The following SVEP1 variants were observed in gnomAD, a reference collection of about 807,000 sequenced individuals.
The protein encoded by SVEP1 is sushi, von Willebrand factor type A, EGF and pentraxin domain-containing protein 1.
A neutral mutation model predicts 367.3 loss-of-function variants in SVEP1; 164 were observed. That is an observed-to-expected ratio of 0.45 (90% confidence interval 0.39 to 0.51). The LOEUF is 0.51. Ranked by LOEUF, SVEP1 falls within the 20% of genes least tolerant of loss-of-function variation. SVEP1 has a pLI of 0.00. For missense variants in SVEP1, 4,117 were observed against 4,425.3 expected (o/e 0.93, Z 1.98); for synonymous variants, 1,666 against 1,611.6 (o/e 1.03, Z -0.81).
intron 35 of SVEP1, among the ~76,000 whole-genome samples, chr9:110,428,881 G>A (rs1235714796): frequency 6.6e-6 from 1 of 152,106 alleles, no homozygotes; most frequent in Non-Finnish European, 1.5e-5. Context: ...GACTAGTCTG[G>A]ACAAAATGGC....
intron 6 of SVEP1, among the ~76,000 whole-genome samples, chr9:110,500,852 T>C (rs1411437462): frequency 5.3e-5 from 8 of 152,004 alleles, no homozygotes; most frequent in Non-Finnish European, 1.2e-4. Flanking sequence ...ACTATTCCTA[T>C]TGCTCTTCCT....
intron 17 of SVEP1, among the ~76,000 whole-genome samples, chr9:110,467,789 C>A (rs888741174): frequency 6.6e-6 from 1 of 152,020 alleles, no homozygotes; most frequent in Non-Finnish European, 1.5e-5. Flanking sequence ...GTGTGCACCA[C>A]CATGCCTGGC....
In SVEP1 at chr9:110,411,606, G is replaced by C; in HGVS notation, c.6105C>G (p.Ala2035=). The change falls in exon 37 of 48, where the codon GCC becomes GCG. Residue 2035 remains alanine, a synonymous_variant. Transcript: ENST00000374469. ...ATGCAATGTCTCCAAAGAGCCGATG[G>C]GCAGTCTCTGGAGAGGCGTGGTCCA... ...PIVDHASPET[A]HRLFGDIAFY... The C allele has an allele frequency of 6.2e-7, 1 of 1,613,736 alleles. No homozygotes were observed. Among genetic ancestry groups the C allele is most frequent in the Non-Finnish European group, 8.5e-7 (1 of 1,179,798 alleles).
chr9:110,432,557 G>C lies in SVEP1; in HGVS notation c.5138C>G (p.Thr1713Ser). The change falls in exon 31 of 48, where the codon ACC (threonine) becomes AGC (serine). Residue 1713 changes from threonine (T) to serine (S), a missense_variant. By Grantham distance (58) the Thr-to-Ser change is moderately conservative. This residue lies in a region of SVEP1 where 2,174 missense variants were observed against 2,494.3 expected (regional missense o/e 0.87). Coordinates refer to ENST00000374469, the MANE Select transcript of SVEP1 (RefSeq NM_153366.4). ...ADDFYAGSTV[T>S]YQCNNGYYLL... ...ATAGTAGCCATTGTTGCACTGGTAG[G>C]TTACTGTGCTGCCAGCATAGAAGTC... 6.2e-7 allele frequency: 1 copy of C among 1,613,902 alleles called. No individual in the cohort carries two copies. The highest frequency in any genetic ancestry group is 1.1e-5 in the South Asian group (1 of 91,086).
chr9:110,374,068 G>T (rs890051744), intron 46 of SVEP1, among the ~76,000 whole-genome samples: 3 of 152,022 alleles, frequency 2.0e-5, no homozygotes, highest in Non-Finnish European at 2.9e-5. Flanking sequence ...TTGTGTCATG[G>T]GAGTTTGTTG....
At chr9:110,549,188 C>T (rs929421534) in intron 2 of SVEP1, among the ~76,000 whole-genome samples, 3 of 151,992 alleles carry the variant, frequency 2.0e-5, no homozygotes, top group Non-Finnish European at 2.9e-5. Flanking sequence ...AAGACATAAA[C>T]CTATATTCTG....
intron 5 of SVEP1, among the ~76,000 whole-genome samples, chr9:110,505,804 T>C (rs1288833147): frequency 6.6e-6 from 1 of 150,588 alleles, no homozygotes; most frequent in Non-Finnish European, 1.5e-5. Flanking sequence ...CCTGATCTCT[T>C]ATTTTCTTTT....
chr9:110,492,745 T>C (rs2118732049), intron 8 of SVEP1, among the ~76,000 whole-genome samples: 1 of 152,082 alleles, frequency 6.6e-6, no homozygotes. Context: ...AGACAACCAC[T>C]CATAGAACAT....
chr9:110,484,186 T>C (rs1401032855), intron 9 of SVEP1, among the ~76,000 whole-genome samples: 1 of 152,094 alleles, frequency 6.6e-6, no homozygotes, highest in African/African-American at 2.4e-5. Context: ...ATAAGCAAGA[T>C]GTTAGTGTGA....
At position 110,398,468 on chromosome 9, in the gene SVEP1, C is replaced by T. The variant is rs540104016; in HGVS notation, c.9822+2386G>A. Among the ~76,000 whole-genome samples the T allele has an allele frequency of 7.2e-5, 11 of 152,204 alleles. No homozygotes were observed. In the South Asian group the frequency reaches 1.2e-3, roughly 17 times the overall value. On this transcript the variant is annotated intron_variant, in intron 40 of 47. Transcript: ENST00000374469. ...CATGCTAAAACACCAAAAGCAATGG[C>T]AACAAAAGCCAAAATTGACAAATGG...
At chr9:110,381,306 A>G (rs1018429228) in intron 43 of SVEP1, among the ~76,000 whole-genome samples, 1 of 152,096 alleles carries the variant, frequency 6.6e-6, no homozygotes, top group Non-Finnish European at 1.5e-5. Context: ...TAGGGTGTCA[A>G]TCTGAGATCT....
At chr9:110,466,682 A>C (rs1828942395) in intron 17 of SVEP1, among the ~76,000 whole-genome samples, 2 of 129,750 alleles carry the variant, frequency 1.5e-5, no homozygotes, top group Non-Finnish European at 1.6e-5. Context: ...AATGGCGTGA[A>C]CCCGGGAGGC....
At chr9:110,485,977 A>C (rs1829270937) in intron 9 of SVEP1, among the ~76,000 whole-genome samples, 1 of 152,166 alleles carries the variant, frequency 6.6e-6, no homozygotes, top group Non-Finnish European at 1.5e-5. Flanking sequence ...TTATTATTTC[A>C]CTGTAGACCA....
rs1827540069 is a variant in SVEP1 at position 110,387,298 on chromosome 9, G to A, written c.10047C>T (p.Val3349=). The change falls in exon 42 of 48, where the codon GTC becomes GTT. Residue 3349 remains valine (V), a synonymous_variant. Coordinates refer to ENST00000374469, the MANE Select transcript of SVEP1 (RefSeq NM_153366.4). ...GGCAACACACACGTTTGCAGAGAGGGACTGGGTGGCTCCAGGTTCCATTTT... is the reference window on the plus strand; with the variant it reads ...GGCAACACACACGTTTGCAGAGAGGAACTGGGTGGCTCCAGGTTCCATTTT... ...CTENGTWSHP[V]PLCKPNPCPV... 1.3e-6 allele frequency: 2 copies of A among 1,598,322 alleles called. No homozygotes were observed. Among genetic ancestry groups the A allele is most frequent in the Non-Finnish European group, 1.7e-6 (2 of 1,176,024 alleles).
chr9:110,392,974 T>G lies in SVEP1; in HGVS notation c.9823-3387A>C, dbSNP rs553510006. ...CTTGTCCGAGACCTGGAGTTGGTAA[T>G]TTCTCCAAGTAACTGAACATCAATA... On this transcript the variant is annotated intron_variant, in intron 40 of 47. Coordinates refer to ENST00000374469, the MANE Select transcript of SVEP1 (RefSeq NM_153366.4). Among the ~76,000 whole-genome samples, 24 of 152,324 alleles carry G rather than the reference T, an allele frequency of 1.6e-4. No individual in the cohort carries two copies. The South Asian group carries it at 4.8e-3, about 30-fold the overall frequency.
intron 36 of SVEP1, among the ~76,000 whole-genome samples, chr9:110,415,791 G>A (rs1431820373): frequency 6.6e-6 from 1 of 151,994 alleles, no homozygotes; most frequent in Admixed American, 6.5e-5. Context: ...ATTTCCATGT[G>A]CCAGAAATGA....
At position 110,389,587 on chromosome 9, in the gene SVEP1, C is replaced by G; in HGVS notation, c.9823G>C (p.Gly3275Arg). 1 of 1,613,596 alleles carries G rather than the reference C, an allele frequency of 6.2e-7. No individual in the cohort carries two copies. Among genetic ancestry groups the G allele is most frequent in the Non-Finnish European group, 8.5e-7 (1 of 1,179,720 alleles). ...YQCEPGYELE[G>R]NRERVCQENR... ...TCCTGGCAGACACGTTCCCTGTTCC[C>G]CTGTGAAACAATGGAGAAAGGTCAT... Residue 3275 changes from glycine to arginine, a missense_variant and splice_region_variant, in exon 41 of 48, where the codon GGG (glycine) becomes CGG (arginine). By Grantham distance (125) the Gly-to-Arg change is moderately radical. Around this residue, in one of 4 missense-constraint regions of SVEP1, gnomAD observed 1,765 missense variants for 1,781.1 expected, o/e 0.99. Coordinates refer to ENST00000374469, the MANE Select transcript of SVEP1 (RefSeq NM_153366.4).
At chr9:110,533,789 T>C (rs1192449564) in intron 3 of SVEP1, among the ~76,000 whole-genome samples, 7 of 152,208 alleles carry the variant, frequency 4.6e-5, no homozygotes, top group Non-Finnish European at 7.3e-5. Context: ...GCTAATCATG[T>C]AACATTTAGT....
At chr9:110,393,751 C>G (rs1020187524) in intron 40 of SVEP1, among the ~76,000 whole-genome samples, 1 of 152,226 alleles carries the variant, frequency 6.6e-6, no homozygotes, top group Non-Finnish European at 1.5e-5. Flanking sequence ...CACAGAGTCT[C>G]ACTCATTGCT....
Sources: allele counts gnomAD v4.1 joint callset (sites outside exome capture counted in the v4.1 genomes callset), GRCh38; gene constraint gnomAD v4.1.1; regional missense constraint gnomAD v4.1.1; transcripts MANE v1.5; gene names NCBI Gene and HGNC (gene_info 2026-07-23, HGNC 2026-07-21).